The following PIK3C2G variants were observed in gnomAD, a reference collection of about 807,000 sequenced individuals.
PIK3C2G encodes the protein phosphatidylinositol 3-kinase C2 domain-containing subunit gamma.
PIK3C2G carries 168 observed loss-of-function variants against 181.1 expected under a neutral mutation model. That is an observed-to-expected ratio of 0.93 (90% CI 0.82 to 1.05). The LOEUF is 1.05. PIK3C2G is among the 50% of genes least tolerant of loss of function. The probability of loss-of-function intolerance (pLI) is 0.00; values close to 1 mark genes in which losing one functional copy is unlikely to be tolerated. For missense variants in PIK3C2G, 1,869 were observed against 1,732.8 expected, an observed-to-expected ratio of 1.08 and a Z score of -1.40; for synonymous variants, 573 against 592.2, an observed-to-expected ratio of 0.97 and a Z score of 0.47.
At chr12:18,674,325 A>T in the PIK3C2G span, among the ~76,000 whole-genome samples, 1 of 152,160 alleles carries the variant, frequency 6.6e-6, no homozygotes, top group Non-Finnish European at 1.5e-5. Context: ...ACACCTTCAC[A>T]CTATCCTCTG....
At chr12:18,466,958 G>C (rs1592332765) in intron 18 of PIK3C2G, among the ~76,000 whole-genome samples, 1 of 152,070 alleles carries the variant, frequency 6.6e-6, no homozygotes, top group South Asian at 2.1e-4. Context: ...AAATGCAATA[G>C]TGCATTTCTT....
Position 18,603,933 on chromosome 12 carries a change from A to G in PIK3C2G, c.4088-5602A>G, listed in dbSNP as rs573195218. 7.2e-5 allele frequency among the ~76,000 whole-genome samples: 11 copies of G among 152,294 alleles called. No individual in the cohort carries two copies. The South Asian group carries it at 2.3e-3, about 32-fold the overall frequency. Reference sequence around the variant, plus strand: ...AAAGAATCTCTTTAAAGCATAAATCACACAGGACTTATGAAACAAAAATGC... The same window carrying G: ...AAAGAATCTCTTTAAAGCATAAATCGCACAGGACTTATGAAACAAAAATGC... On this transcript the variant is annotated intron_variant, in intron 30 of 32. Coordinates refer to ENST00000538779, the MANE Select transcript of PIK3C2G (RefSeq NM_001288772.2).
At chr12:18,504,303 T>A (rs984667184) in intron 23 of PIK3C2G, among the ~76,000 whole-genome samples, 9 of 152,216 alleles carry the variant, frequency 5.9e-5, no homozygotes, top group Non-Finnish European at 1.3e-4. Context: ...TAAAATTACC[T>A]TGAAGTCTAC....
intron 29 of PIK3C2G, among the ~76,000 whole-genome samples, chr12:18,593,540 T>A (rs1043824044): frequency 4.6e-5 from 7 of 151,912 alleles, no homozygotes; most frequent in African/African-American, 1.7e-4. Flanking sequence ...CTTTGACAGC[T>A]ACTATGGCAT....
At chr12:18,722,804 C>A in the PIK3C2G span, among the ~76,000 whole-genome samples, 4 of 151,744 alleles carry the variant, frequency 2.6e-5, no homozygotes, top group Non-Finnish European at 5.9e-5. Flanking sequence ...TATATATTTA[C>A]GAAATGTTGT....
intron 7 of PIK3C2G, 64 bp from the exon 8 acceptor site, chr12:18,324,971 T>C: frequency 1.3e-6 from 1 of 762,068 alleles, no homozygotes; most frequent in Non-Finnish European, 2.2e-6. Flanking sequence ...TAAATGTTTG[T>C]GCTAAAGGTA....
chr12:18,524,103 A>C (rs888338568), intron 24 of PIK3C2G, among the ~76,000 whole-genome samples: 14 of 152,152 alleles, frequency 9.2e-5, no homozygotes, highest in Non-Finnish European at 1.9e-4. Context: ...AGGTGGTTTA[A>C]CCTTGTTGGT....
downstream of PIK3C2G, among the ~76,000 whole-genome samples, chr12:18,649,027 A>G (rs1177358423): frequency 6.6e-6 from 1 of 152,090 alleles, no homozygotes; most frequent in Non-Finnish European, 1.5e-5. Context: ...TTATTTGAGT[A>G]TGTGATATGA....
the PIK3C2G span, among the ~76,000 whole-genome samples, chr12:18,680,048 C>A: frequency 2.6e-5 from 4 of 151,834 alleles, no homozygotes; most frequent in Non-Finnish European, 2.9e-5. Flanking sequence ...TCATAAGAAC[C>A]CTTTGTTGGT....
intron 30 of PIK3C2G, among the ~76,000 whole-genome samples, chr12:18,596,250 T>C (rs891005038): frequency 1.3e-5 from 2 of 152,056 alleles, no homozygotes; most frequent in African/African-American, 4.8e-5. Flanking sequence ...GTGTAAATGT[T>C]CTGGCACAAG....
At chr12:18,499,067 T>C (rs2136096014) in intron 22 of PIK3C2G, among the ~76,000 whole-genome samples, 1 of 152,364 alleles carries the variant, frequency 6.6e-6, no homozygotes, top group South Asian at 2.1e-4. Context: ...TTTTTAAATT[T>C]CATCTCATTT....
chr12:18,445,676 A>T (rs1228620163), intron 18 of PIK3C2G, among the ~76,000 whole-genome samples: 1 of 152,170 alleles, frequency 6.6e-6, no homozygotes, highest in African/African-American at 2.4e-5. Context: ...GAAAACAAAT[A>T]CTCATCAATG....
At chr12:18,416,492 C>G (rs1003544420) in intron 16 of PIK3C2G, among the ~76,000 whole-genome samples, 4 of 152,138 alleles carry the variant, frequency 2.6e-5, no homozygotes, top group Non-Finnish European at 5.9e-5. Context: ...CAATGCTGGG[C>G]TTCAAGGCTT....
chr12:18,399,787 C>G lies in PIK3C2G; in HGVS notation c.2255C>G (p.Thr752Ser). The G allele has an allele frequency of 6.2e-7, 1 of 1,606,480 alleles. No homozygotes were observed. Among genetic ancestry groups the G allele is most frequent in the Non-Finnish European group, 8.5e-7 (1 of 1,174,500 alleles). The part of the protein sequence containing the change: ...WDERTVSEMH[T>S]ILRRWTFSQP... Reference sequence around the variant, plus strand: ...GAAAGGACTGTTTCAGAAATGCATACCATTTTGAGAAGATGGACATTTTCT... The same window carrying G: ...GAAAGGACTGTTTCAGAAATGCATAGCATTTTGAGAAGATGGACATTTTCT... The change falls in exon 16 of 33, where the codon ACC (threonine) becomes AGC (serine). Residue 752 changes from threonine to serine, a missense_variant. By Grantham distance (58) the Thr-to-Ser change is moderately conservative. Coordinates refer to ENST00000538779, the MANE Select transcript of PIK3C2G (RefSeq NM_001288772.2).
At chr12:18,719,391 G>A in the PIK3C2G span, 4 of 1,214,224 alleles carry the variant, frequency 3.3e-6, no homozygotes, top group African/African-American at 6.4e-5. Flanking sequence ...GAACTTCCAA[G>A]TATTTTTAAA....
At chr12:18,556,779 G>A (rs1163727415) in intron 26 of PIK3C2G, among the ~76,000 whole-genome samples, 1 of 152,090 alleles carries the variant, frequency 6.6e-6, no homozygotes, top group Non-Finnish European at 1.5e-5. Context: ...AAATTCATAA[G>A]TGCAAACAAC....
rs200563288 is a variant in PIK3C2G at position 18,286,847 on chromosome 12, T to G, written c.679T>G (p.Ser227Ala). 5 of 1,473,434 alleles carry G rather than the reference T, an allele frequency of 3.4e-6. No individual in the cohort carries two copies. The highest frequency in any genetic ancestry group is 4.6e-6 in the Non-Finnish European group (5 of 1,089,670). The allele number at this position is 1,473,434 out of a possible 1,614,324, so 91.3% of individuals were successfully genotyped here. ...WESTWQKNIE[S>A]IGCSIQLVEV... ...TTAATTTAGTAGATTTTATTTTAAGTCAATAGGTTGTTCCATTCAGCTAGT... is the reference window on the plus strand; with the variant it reads ...TTAATTTAGTAGATTTTATTTTAAGGCAATAGGTTGTTCCATTCAGCTAGT... Residue 227 changes from serine to alanine, a missense_variant and splice_region_variant, in exon 3 of 33, where the codon TCA becomes GCA. Ser to Ala is a moderately conservative substitution (Grantham distance 99, BLOSUM62 1). Coordinates refer to ENST00000538779, the MANE Select transcript of PIK3C2G (RefSeq NM_001288772.2).
chr12:18,487,150 A>G (rs1253096772), intron 18 of PIK3C2G, among the ~76,000 whole-genome samples: 4 of 143,994 alleles, frequency 2.8e-5, no homozygotes, highest in Non-Finnish European at 4.6e-5. Flanking sequence ...GCTTTCCAGA[A>G]GTAAATAAGA....
chr12:18,550,294 A>G (rs1377307362), intron 26 of PIK3C2G, among the ~76,000 whole-genome samples: 6 of 152,176 alleles, frequency 3.9e-5, no homozygotes, highest in African/African-American at 1.4e-4. Context: ...TTGTTTGGAA[A>G]TCCTTAAACA....
Sources: gnomAD v4.1 joint callset for allele counts (sites outside exome capture counted in the v4.1 genomes callset) on GRCh38, gnomAD v4.1.1 for gene constraint, MANE v1.5 for transcripts, NCBI Gene and HGNC (gene_info 2026-07-23, HGNC 2026-07-21) for gene names.